Variants in USH2A observed in about 807,000 individuals in gnomAD.
USH2A encodes the protein Usher syndrome 2A (autosomal recessive, mild).
A neutral mutation model predicts 538.9 loss-of-function variants in USH2A; 443 were observed. The ratio of observed to expected loss-of-function variants is 0.82; its 90% CI spans 0.76 to 0.89. USH2A has a LOEUF of 0.89. Ranked by LOEUF, USH2A falls within the 40% of genes least tolerant of loss-of-function variation. The pLI is 0.00. For synonymous variants in USH2A, 2,413 were observed against 2,273.5 expected, an observed-to-expected ratio of 1.06 and a Z score of -1.75; for missense variants, 6,633 against 6,324.8, an observed-to-expected ratio of 1.05 and a Z score of -1.65.
chr1:216,347,880 T>A (rs1179289268), intron 4 of USH2A, among the ~76,000 whole-genome samples: 1 of 152,102 alleles, frequency 6.6e-6, no homozygotes, highest in East Asian at 1.9e-4. Flanking sequence ...CTTTGAAGAT[T>A]GTGACATTAG....
rs1215228792 is a variant in USH2A at position 216,199,690 on chromosome 1, T to C, written c.3748A>G (p.Lys1250Glu). Reference sequence around the variant, plus strand: ...TCTGTAGAACTGATTTTCTGCATCTTAGGTGGACTTAGTCTTTGGGGAGGG... The same window carrying C: ...TCTGTAGAACTGATTTTCTGCATCTCAGGTGGACTTAGTCTTTGGGGAGGG... Reference protein sequence around the residue: ...QAPPQRLSPPKMQKISSTELH... With the variant: ...QAPPQRLSPPEMQKISSTELH... Residue 1250 changes from lysine (K) to glutamate (E), a missense_variant, in exon 17 of 72, where the codon AAG (lysine) becomes GAG (glutamate). Physicochemically the swap from Lys to Glu is moderately conservative, Grantham distance 56 (BLOSUM62 1). Coordinates refer to ENST00000307340, the MANE Select transcript of USH2A (RefSeq NM_206933.4). The C allele has an allele frequency of 2.5e-6, 4 of 1,613,982 alleles. No individual in the cohort carries two copies. The highest frequency in any genetic ancestry group is 2.5e-6 in the Non-Finnish European group (3 of 1,180,002).
At chr1:216,016,374 G>T (rs1423394911) in intron 32 of USH2A, among the ~76,000 whole-genome samples, 3 of 151,992 alleles carry the variant, frequency 2.0e-5, no homozygotes, top group Non-Finnish European at 4.4e-5. Context: ...AAAACAAAAA[G>T]AAAAGAAATC....
intron 37 of USH2A, among the ~76,000 whole-genome samples, chr1:215,959,952 G>A (rs1667156775): frequency 6.6e-6 from 1 of 152,036 alleles, no homozygotes; most frequent in Non-Finnish European, 1.5e-5. Context: ...AATTCGCAGA[G>A]GACTCCACAA....
At chr1:215,836,664 C>T (rs1663541554) in intron 47 of USH2A, among the ~76,000 whole-genome samples, 1 of 139,118 alleles carries the variant, frequency 7.2e-6, no homozygotes, top group South Asian at 2.3e-4. Context: ...TCACGCCATG[C>T]TCCTGCCTCA....
intron 30 of USH2A, among the ~76,000 whole-genome samples, chr1:216,050,118 T>C (rs565530582): frequency 5.0e-4 from 76 of 152,324 alleles, no homozygotes; most frequent in African/African-American, 1.8e-3. Flanking sequence ...TTACTTTCTT[T>C]TAAGAAGTTA....
chr1:216,350,507 C>T (rs2038261068), intron 4 of USH2A, among the ~76,000 whole-genome samples: 1 of 152,036 alleles, frequency 6.6e-6, no homozygotes, highest in South Asian at 2.1e-4. Context: ...ATTTCCATTC[C>T]AAACGGGATA....
chr1:215,670,094 C>A (rs1657763839), intron 64 of USH2A, among the ~76,000 whole-genome samples: 1 of 152,160 alleles, frequency 6.6e-6, no homozygotes, highest in African/African-American at 2.4e-5. Flanking sequence ...GGTTGAAGAA[C>A]CATGCTTGGA....
intron 22 of USH2A, among the ~76,000 whole-genome samples, chr1:216,094,487 C>T (rs1422131452): frequency 6.6e-6 from 1 of 151,970 alleles, no homozygotes; most frequent in Non-Finnish European, 1.5e-5. Flanking sequence ...CTTGCCTTTG[C>T]TATACTTCTC....
At chr1:216,172,061 A>G (rs1161438732) in intron 21 of USH2A, among the ~76,000 whole-genome samples, 1 of 152,058 alleles carries the variant, frequency 6.6e-6, no homozygotes, top group African/African-American at 2.4e-5. Flanking sequence ...TATTTACAGT[A>G]TTAAGCTTGG....
chr1:216,399,390 C>T (rs1317150001), intron 3 of USH2A, among the ~76,000 whole-genome samples: 2 of 152,118 alleles, frequency 1.3e-5, no homozygotes, highest in Non-Finnish European at 2.9e-5. Flanking sequence ...TAGAGGGGAG[C>T]TGAGCCCCTA....
chr1:215,984,425 C>T (rs572812694), intron 35 of USH2A, among the ~76,000 whole-genome samples: 2 of 152,262 alleles, frequency 1.3e-5, no homozygotes, highest in Non-Finnish European at 2.9e-5. Flanking sequence ...TACTTAATTC[C>T]CATTGGCTGT....
chr1:216,303,771 G>T (rs1047281118), intron 9 of USH2A, among the ~76,000 whole-genome samples: 27 of 151,816 alleles, frequency 1.8e-4, no homozygotes, highest in Non-Finnish European at 2.7e-4. Context: ...ACAAATGAAG[G>T]TCCTTCAATA....
chr1:216,247,613 G>A (rs2036078630), intron 12 of USH2A, among the ~76,000 whole-genome samples: 1 of 152,086 alleles, frequency 6.6e-6, no homozygotes, highest in African/African-American at 2.4e-5. Context: ...CTAAAGATAA[G>A]AAATCTCTAA....
intron 15 of USH2A, among the ~76,000 whole-genome samples, chr1:216,211,609 C>T (rs1197214005): frequency 6.6e-6 from 1 of 152,158 alleles, no homozygotes; most frequent in Non-Finnish European, 1.5e-5. Context: ...AAACTAGATA[C>T]ATGCTCATTG....
At chr1:216,343,233 G>C (rs2038109930) in intron 4 of USH2A, among the ~76,000 whole-genome samples, 2 of 151,764 alleles carry the variant, frequency 1.3e-5, no homozygotes. Context: ...TGATATCAAA[G>C]TAATAATCCT....
chr1:216,257,555 T>C (rs1156342195), intron 11 of USH2A, among the ~76,000 whole-genome samples: 3 of 152,014 alleles, frequency 2.0e-5, no homozygotes, highest in African/African-American at 7.2e-5. Flanking sequence ...TTTCTTGAGA[T>C]TCATGGGTTT....
rs1558097475 is a variant in USH2A, at chr1:215,786,738, A to G, written c.10319T>C (p.Ile3440Thr). Residue 3440 changes from isoleucine to threonine, a missense_variant, in exon 52 of 72, where the codon ATT (isoleucine) becomes ACT (threonine). Transcript: ENST00000307340. ...TTCGGCAGATGAACACATTTCTTCA[A>G]TTGATGCCTTCCCTGTGGAATTGTG... The part of the protein sequence containing the change: ...GSHNSTGKAS[I>T]EEMCSSAEET... 3.7e-6 allele frequency: 6 copies of G among 1,613,892 alleles called. No individual in the cohort carries two copies. Among genetic ancestry groups the G allele is most frequent in the Admixed American group, 1.7e-5 (1 of 59,968 alleles).
intron 26 of USH2A, among the ~76,000 whole-genome samples, chr1:216,082,958 A>C (rs556360816): frequency 3.9e-5 from 6 of 152,222 alleles, no homozygotes; most frequent in Admixed American, 3.9e-4. Context: ...ACAAATACAA[A>C]ATTCTGATTA....
chr1:215,747,659 G>C (rs17025333), intron 58 of USH2A, among the ~76,000 whole-genome samples: 3 of 152,136 alleles, frequency 2.0e-5, no homozygotes, highest in Non-Finnish European at 4.4e-5. Context: ...GGTGGTAAGA[G>C]AGATTGAAGA....
Sources: allele counts gnomAD v4.1 joint callset (sites outside exome capture counted in the v4.1 genomes callset), GRCh38; gene constraint gnomAD v4.1.1; transcripts MANE v1.5; gene names NCBI Gene and HGNC (gene_info 2026-07-23, HGNC 2026-07-21).